Variants in LACTBL1 observed in about 807,000 individuals in gnomAD.
LACTBL1 encodes lactamase beta like 1.
Under a neutral mutation model 39.6 loss-of-function variants are expected in LACTBL1, and 29 were observed. The ratio of observed to expected loss-of-function variants is 0.73; its 90% CI spans 0.55 to 1.00. The LOEUF (loss-of-function observed/expected upper bound fraction) is 1.00, where lower values mean the gene tolerates loss of function less well. Among genes scored for constraint, LACTBL1 ranks in the 50% least tolerant of loss-of-function variants. LACTBL1 has a pLI of 0.00. For synonymous variants in LACTBL1, 361 were observed against 360.7 expected (o/e 1.00, Z -0.01); for missense variants, 711 against 748.5 (o/e 0.95, Z 0.59).
upstream of LACTBL1, among the ~76,000 whole-genome samples, chr1:22,969,836 A>G (rs1640920957): frequency 6.6e-6 from 1 of 152,076 alleles, no homozygotes; most frequent in South Asian, 2.1e-4. Context: ...GGGTCCCTAC[A>G]AGGTAAGGAT....
chr1:22,965,784 A>G (rs1640870915), upstream of LACTBL1, among the ~76,000 whole-genome samples: 1 of 152,216 alleles, frequency 6.6e-6, no homozygotes, highest in Admixed American at 6.5e-5. Context: ...TAATTTATAA[A>G]GGAAAGAGGT....
intron 3 of LACTBL1, 131 bp downstream of exon 5, chr1:22,959,811 T>G: frequency 3.6e-6 from 4 of 1,104,420 alleles, no homozygotes; most frequent in Non-Finnish European, 3.8e-6. Context: ...TATAAAACTG[T>G]CAAGACTTCA....
At chr1:22,966,425 T>C (rs1396419148), upstream of LACTBL1, among the ~76,000 whole-genome samples, 1 of 152,184 alleles carries the variant, frequency 6.6e-6, no homozygotes, top group Non-Finnish European at 1.5e-5. Context: ...ACGTGGTATT[T>C]CTCCCCCTTC....
Position 22,955,570 on chromosome 1 carries a change from G to T in LACTBL1, c.554-144C>A, listed in dbSNP as rs1007403749. 9.7e-6 allele frequency: 6 copies of T among 621,474 alleles called. No individual in the cohort carries two copies. In the Admixed American group the frequency reaches 1.6e-4, roughly 16 times the overall value. 38.5% of individuals were successfully genotyped at this position (621,474 alleles called of 1,614,324 possible). A position where few individuals can be genotyped will look rare whatever the true frequency, so the allele number is the denominator to read the frequency against. Reference sequence around the variant, plus strand: ...TTAAAAAAGAAAATCAGCCTAGCGTGGACTCCAGTCCTGCCTTCTCTTCCT... The same window carrying T: ...TTAAAAAAGAAAATCAGCCTAGCGTTGACTCCAGTCCTGCCTTCTCTTCCT... On this transcript the variant is annotated intron_variant, in intron 4 of 5. Coordinates refer to ENST00000426928, the Ensembl canonical transcript of LACTBL1.
At chr1:22,972,778 C>A in the LACTBL1 span, 15 of 758,350 alleles carry the variant, frequency 2.0e-5, no homozygotes, top group Non-Finnish European at 2.4e-5. Context: ...TTACCCTCTC[C>A]AGAAGGTACC....
intron 2 of LACTBL1, 133 bp from the exon 5 acceptor site, chr1:22,960,232 G>A (rs1030621626): frequency 1.2e-5 from 13 of 1,067,248 alleles, no homozygotes; most frequent in Middle Eastern, 3.0e-4. Flanking sequence ...ATGCCCCATG[G>A]GCTGGGGCCC....
rs747161401 is a variant in LACTBL1, at chr1:22,960,136, CT to C, written c.160-38del. The C allele has an allele frequency of 2.6e-6, 4 of 1,548,000 alleles. No individual in the cohort carries two copies. In the Admixed American group the frequency reaches 5.9e-5, roughly 23 times the overall value. On this transcript the variant is annotated intron_variant, in intron 2 of 5. Transcript: ENST00000426928. ...AGAACGGGTGCAGTGACAGGCCCCC[CT>C]GCCCTCACCCTCAGTAATCATCTGC...
intron 3 of LACTBL1, 64 bp from the exon 6 acceptor site, chr1:22,958,984 G>T (rs1640789370): frequency 9.3e-7 from 1 of 1,075,020 alleles, no homozygotes; most frequent in Non-Finnish European, 1.3e-6. Flanking sequence ...CCCACCTCCT[G>T]CCCCCATCCT....
chr1:22,955,535 A>G, intron 4 of LACTBL1, 109 bp from the exon 7 acceptor site: 1 of 689,846 alleles, frequency 1.4e-6, no homozygotes, highest in African/African-American at 1.8e-5. Context: ...AACAACAACA[A>G]ATCAGTTTTT....
chr1:22,965,137 A>C (rs1459949326), intron 1 of LACTBL1, among the ~76,000 whole-genome samples, 153 bp downstream of exon 3: 4 of 152,182 alleles, frequency 2.6e-5, no homozygotes, highest in African/African-American at 9.7e-5. Context: ...AAAGATGCAC[A>C]GCTAGTGAGA....
chr1:22,969,249 A>G (rs185589457), upstream of LACTBL1, among the ~76,000 whole-genome samples: 8 of 152,334 alleles, frequency 5.3e-5, no homozygotes, highest in Admixed American at 5.2e-4. Flanking sequence ...TTTACACACA[A>G]AAGAATTTTT....
upstream of LACTBL1, chr1:22,965,404 G>A: frequency 8.0e-7 from 1 of 1,254,832 alleles, no homozygotes; most frequent in Non-Finnish European, 1.0e-6. Context: ...TTCACTTTCA[G>A]CAAGTTGGGC....
At chr1:22,963,910 C>T (rs973758392) in intron 1 of LACTBL1, among the ~76,000 whole-genome samples, 4 of 152,106 alleles carry the variant, frequency 2.6e-5, no homozygotes, top group African/African-American at 9.7e-5. Context: ...AAGGTCCCTG[C>T]GGTAGGTTTC....
chr1:22,969,387 G>A (rs1233579148), upstream of LACTBL1, among the ~76,000 whole-genome samples: 3 of 152,150 alleles, frequency 2.0e-5, no homozygotes, highest in Non-Finnish European at 4.4e-5. Flanking sequence ...TATATCAACA[G>A]TCTGTACATA....
intron 4 of LACTBL1, among the ~76,000 whole-genome samples, chr1:22,957,894 C>T (rs367701976): frequency 8.9e-4 from 135 of 151,936 alleles, no homozygotes; most frequent in African/African-American, 2.9e-3. Context: ...TCAGGTGGTC[C>T]GCCCGCCTCA....
intron 2 of LACTBL1, among the ~76,000 whole-genome samples, chr1:22,961,043 A>G (rs1469239100): frequency 6.6e-6 from 1 of 151,944 alleles, no homozygotes; most frequent in African/African-American, 2.4e-5. Context: ...GCCTCCCAAC[A>G]TGCTGTGATT....
the LACTBL1 span, chr1:22,972,528 C>T: frequency 1.2e-5 from 8 of 663,034 alleles, no homozygotes; most frequent in East Asian, 6.8e-4. Flanking sequence ...CCATGGCTCC[C>T]CCTCCCAGGT....
chr1:22,957,437 A>G (rs1240904782), intron 4 of LACTBL1, among the ~76,000 whole-genome samples: 1 of 152,056 alleles, frequency 6.6e-6, no homozygotes, highest in Non-Finnish European at 1.5e-5. Context: ...GATATTACCA[A>G]TTGCCCTCCA....
At chr1:22,963,999 C>T (rs1458429178) in intron 1 of LACTBL1, among the ~76,000 whole-genome samples, 2 of 152,138 alleles carry the variant, frequency 1.3e-5, no homozygotes, top group Non-Finnish European at 2.9e-5. Context: ...CAGCTCACTG[C>T]GATCTCAGCT....
Sources: allele counts gnomAD v4.1 joint callset (sites outside exome capture counted in the v4.1 genomes callset), GRCh38; gene constraint gnomAD v4.1.1; transcripts MANE v1.5; gene names NCBI Gene and HGNC (gene_info 2026-07-23, HGNC 2026-07-21).